The following FAHD1 variants were observed in gnomAD, a reference collection of about 807,000 sequenced individuals.
FAHD1 encodes the protein oxaloacetate tautomerase FAHD1, mitochondrial.
Under a neutral mutation model 12.7 loss-of-function variants are expected in FAHD1, and 14 were observed. The observed-to-expected ratio is 1.10, with a 90% CI of 0.73 to 1.72. The LOEUF is 1.72. FAHD1 is among the 40% of genes most tolerant of loss of function. The pLI, the probability that FAHD1 is intolerant of heterozygous loss-of-function variation, is 0.00. For missense variants in FAHD1, 351 were observed against 298.9 expected (o/e 1.17, Z -1.29); for synonymous variants, 153 against 124.9 (o/e 1.22, Z -1.50).
At chr16:1,831,973 G>A (rs577572266), downstream of FAHD1, among the ~76,000 whole-genome samples, 11 of 151,980 alleles carry the variant, frequency 7.2e-5, no homozygotes, top group South Asian at 2.1e-4. Flanking sequence ...AGTTTGGGCC[G>A]CTGCTCTACA....
chr16:1,831,945 C>T (rs1898627411), downstream of FAHD1, among the ~76,000 whole-genome samples: 1 of 152,136 alleles, frequency 6.6e-6, no homozygotes, highest in Admixed American at 6.5e-5. Flanking sequence ...TCCACCAAAC[C>T]ATTCCCAGGT....
At position 1,839,361 on chromosome 16, in the gene FAHD1, G is replaced by T. The variant is rs376572512; in HGVS notation, c.*108G>T. On this transcript the variant is annotated 3_prime_UTR_variant, in exon 3 of 3. Transcript: ENST00000382666. ...CAGCACATGGAAACTGAGAAAGACA[G>T]ATTTAAAGTCCAAGGAGTTTTTGTT... 92 of 1,614,174 alleles carry T rather than the reference G, an allele frequency of 5.7e-5. No homozygotes were observed. The East Asian group carries it at 1.6e-3, about 28-fold the overall frequency.
At chr16:1,834,116 C>T (rs1898674940) in intron 1 of FAHD1, 3 of 592,414 alleles carry the variant, frequency 5.1e-6, no homozygotes, top group Non-Finnish European at 9.0e-6. Context: ...CCCAGACCAC[C>T]TCCACCATAA....
At chr16:1,834,358 T>C in intron 1 of FAHD1, 3 of 1,578,682 alleles carry the variant, frequency 1.9e-6, no homozygotes, top group East Asian at 2.2e-5. Flanking sequence ...CTCTGTGTGA[T>C]AGAACGAACT....
chr16:1,835,650 C>A (rs73490122), intron 1 of FAHD1, among the ~76,000 whole-genome samples: 1 of 152,070 alleles, frequency 6.6e-6, no homozygotes, highest in Non-Finnish European at 1.5e-5. Flanking sequence ...AGGGGCTACA[C>A]CTCCCATTGC....
At position 1,834,942 on chromosome 16, in the gene FAHD1, C is replaced by G. The variant is rs771078885; in HGVS notation, c.628-3074C>G. ...TAGAGCGAAACTCTGTCCCCCCCAC[C>G]CCCCCCCACTAAAAAAAATGTCTAA... On this transcript the variant is annotated intron_variant, in intron 1 of 2. Transcript: ENST00000382666. Among the ~76,000 whole-genome samples, 12 of 89,968 alleles carry G rather than the reference C, an allele frequency of 1.3e-4. No homozygotes were observed. In the East Asian group the frequency reaches 3.9e-3, roughly 29 times the overall value. The allele number at this position is 89,968 out of a possible 152,430, so 59.0% of individuals were successfully genotyped here. A position where few individuals can be genotyped will look rare whatever the true frequency, so the allele number is the denominator to read the frequency against.
At chr16:1,838,267 T>C (rs1231133560) in intron 2 of FAHD1, 3 of 412,280 alleles carry the variant, frequency 7.3e-6, no homozygotes, top group African/African-American at 2.0e-5. Flanking sequence ...CCCAAAGTGG[T>C]AGGATTACAG....
chr16:1,828,243 T>A (rs1567268166), exon 1 of FAHD1: 1 of 950,516 alleles, frequency 1.1e-6, no homozygotes. Context: ...ATTGCGCCAC[T>A]GTACTCCTGG....
At chr16:1,828,373 G>C (rs2142063046) in exon 1 of FAHD1, 2 of 1,001,814 alleles carry the variant, frequency 2.0e-6, no homozygotes, top group South Asian at 4.6e-5. Flanking sequence ...ACGTGAAGTA[G>C]AACGGGTGGG....
At chr16:1,830,152 C>T (rs977830206), downstream of FAHD1, among the ~76,000 whole-genome samples, 11 of 152,340 alleles carry the variant, frequency 7.2e-5, 1 homozygote, top group Non-Finnish European at 5.9e-5. Context: ...CATGAGCCAC[C>T]GTGCCCAGCT....
chr16:1,827,575 G>C (rs145930740), exon 1 of FAHD1: 38 of 1,613,414 alleles, frequency 2.4e-5, no homozygotes, highest in African/African-American at 4.0e-5. Flanking sequence ...CAAGAAGAAG[G>C]GGCTGCCCTG....
rs747732396 is a variant in FAHD1 at position 1,827,277 on chromosome 16, G to A, written c.39G>A (p.Trp13Ter). 4 of 1,612,860 alleles carry A rather than the reference G, an allele frequency of 2.5e-6. No homozygotes were observed. Among genetic ancestry groups the A allele is most frequent in the Non-Finnish European group, 3.4e-6 (4 of 1,179,620 alleles). Reference sequence around the variant, plus strand: ...GGCCATTGTCCCGCTTCTGGGAGTGGGGAAAGAACATCGTCTGCGTGGGGA... The same window carrying A: ...GGCCATTGTCCCGCTTCTGGGAGTGAGGAAAGAACATCGTCTGCGTGGGGA... Residue 13 changes from tryptophan (W) to a stop codon, truncating the protein, a stop_gained, in exon 1 of 1, where the codon TGG (tryptophan) becomes TGA (stop). Transcript: ENST00000427358. LOFTEE classifies it high-confidence loss of function.
chr16:1,831,262 G>T (rs555132101), downstream of FAHD1, among the ~76,000 whole-genome samples: 7 of 152,268 alleles, frequency 4.6e-5, no homozygotes, highest in East Asian at 1.4e-3. Flanking sequence ...CTCAGATCAT[G>T]TACCCCAGAA....
At chr16:1,828,937 C>T (rs1898571163), downstream of FAHD1, 1 of 999,246 alleles carries the variant, frequency 1.0e-6, no homozygotes, top group Admixed American at 6.2e-5. Flanking sequence ...ATTTTTTTCC[C>T]CCCAGTAATG....
chr16:1,828,851 T>C (rs1065590), exon 1 of FAHD1: 161,104 of 998,928 alleles, frequency 0.16, 13,533 homozygotes, highest in South Asian at 0.28. Context: ...ACCCATCGAT[T>C]CTGAGTTCGG....
At chr16:1,828,809 A>ATTT in exon 1 of FAHD1, 1 of 997,438 alleles carries the variant, frequency 1.0e-6, no homozygotes, top group African/African-American at 1.7e-5. Context: ...AGTAATGAAG[A>ATTT]TTTCACCTGT....
chr16:1,834,283 T>C, intron 1 of FAHD1: 1 of 1,610,714 alleles, frequency 6.2e-7, no homozygotes, highest in Non-Finnish European at 8.5e-7. Flanking sequence ...CAGACAAGTT[T>C]CTGCTTGCCT....
exon 1 of FAHD1, chr16:1,827,225 A>C (rs751873738): frequency 2.5e-6 from 4 of 1,596,052 alleles, no homozygotes; most frequent in South Asian, 1.1e-5. Flanking sequence ...CTACAGGGGC[A>C]CTTGATGGGA....
downstream of FAHD1, among the ~76,000 whole-genome samples, chr16:1,830,944 A>ACACACACACACACC (rs57025691): frequency 1.4e-4 from 20 of 147,298 alleles, no homozygotes; most frequent in East Asian, 6.0e-4. Flanking sequence ...ACACACACAC[A>ACACACACACACACC]CCCATATTTT....
Sources: allele counts gnomAD v4.1 joint callset (sites outside exome capture counted in the v4.1 genomes callset), GRCh38; gene constraint gnomAD v4.1.1; transcripts MANE v1.5; gene names NCBI Gene and HGNC (gene_info 2026-07-23, HGNC 2026-07-21).